The following ZBTB37 variants were observed in gnomAD, a reference collection of about 807,000 sequenced individuals.
ZBTB37 encodes the protein zinc finger and BTB domain containing 37.
A neutral mutation model predicts 37.7 loss-of-function variants in ZBTB37; 15 were observed. The observed-to-expected ratio is 0.40, with a 90% CI of 0.27 to 0.61. The LOEUF is 0.61. Among genes scored for constraint, ZBTB37 ranks in the 20% least tolerant of loss-of-function variants. The pLI, the probability that ZBTB37 is intolerant of heterozygous loss-of-function variation, is 0.44. For synonymous variants in ZBTB37, 231 were observed against 220.6 expected, an observed-to-expected ratio of 1.05 and a Z score of -0.42; for missense variants, 514 against 641.9, an observed-to-expected ratio of 0.80 and a Z score of 2.15.
At chr1:173,886,287 A>G in exon 5 of ZBTB37, 1 of 1,123,594 alleles carries the variant, frequency 8.9e-7, no homozygotes, top group Non-Finnish European at 1.2e-6. Context: ...ACACAAAAGC[A>G]CTAAAGGCTC....
exon 3 of ZBTB37, chr1:173,871,080 A>C: frequency 6.2e-7 from 1 of 1,614,110 alleles, no homozygotes; most frequent in South Asian, 1.1e-5. Context: ...GTTCTGTAGG[A>C]CAGGAAAATT....
chr1:173,874,889 A>G (rs1655840456), intron 4 of ZBTB37, among the ~76,000 whole-genome samples: 5 of 152,132 alleles, frequency 3.3e-5, no homozygotes, highest in Admixed American at 3.3e-4. Context: ...AAAGTTAAAT[A>G]CTGTATTTGA....
intron 3 of ZBTB37, among the ~76,000 whole-genome samples, chr1:173,871,799 C>A (rs900569740): frequency 2.0e-5 from 3 of 152,112 alleles, no homozygotes; most frequent in Non-Finnish European, 4.4e-5. Context: ...CCATGCCTCA[C>A]TTTTCTCTTT....
intron 4 of ZBTB37, among the ~76,000 whole-genome samples, chr1:173,880,051 A>G (rs1440464547): frequency 6.6e-6 from 1 of 152,166 alleles, no homozygotes; most frequent in Non-Finnish European, 1.5e-5. Flanking sequence ...AAATACAATA[A>G]CTAATGGGGT....
At chr1:173,872,490 T>C (rs763371715) in intron 3 of ZBTB37, among the ~76,000 whole-genome samples, 1 of 152,176 alleles carries the variant, frequency 6.6e-6, no homozygotes, top group Non-Finnish European at 1.5e-5. Flanking sequence ...CTCCTGCCAC[T>C]GTGCCTGGCT....
exon 5 of ZBTB37, chr1:173,886,225 C>G (rs1283053479): frequency 6.9e-7 from 1 of 1,453,018 alleles, no homozygotes; most frequent in East Asian, 2.5e-5. Flanking sequence ...TGCCACATCA[C>G]TAGGCCAGAA....
chr1:173,897,975 C>T (rs1322490906), exon 4 of ZBTB37: 3 of 152,174 alleles, frequency 2.0e-5, no homozygotes, highest in Admixed American at 2.0e-4. Context: ...ACAGACTTCT[C>T]CCGGTTTACT....
At chr1:173,898,100 A>G (rs1468064881) in exon 4 of ZBTB37, 1 of 151,998 alleles carries the variant, frequency 6.6e-6, no homozygotes, top group Non-Finnish European at 1.5e-5. Context: ...TTGAATCCCC[A>G]ACTTCTTTTT....
downstream of ZBTB37, chr1:173,887,564 T>G (rs1656677934): frequency 1.3e-5 from 2 of 152,194 alleles, no homozygotes; most frequent in Admixed American, 1.3e-4. Flanking sequence ...GAGAAAGAAC[T>G]TAGCAAACAT....
chr1:173,893,601 A>G (rs1656935209), exon 4 of ZBTB37: 1 of 152,256 alleles, frequency 6.6e-6, no homozygotes, highest in Non-Finnish European at 1.5e-5. Context: ...AGCTTTATTA[A>G]GTGCTTTATC....
At chr1:173,898,853 A>G (rs1447990625) in exon 4 of ZBTB37, 2 of 152,226 alleles carry the variant, frequency 1.3e-5, no homozygotes, top group East Asian at 3.9e-4. Context: ...ATATCCTAGA[A>G]TGCTTTCTAC....
downstream of ZBTB37, chr1:173,891,329 A>C (rs1036794302): frequency 6.6e-6 from 1 of 152,182 alleles, no homozygotes; most frequent in Non-Finnish European, 1.5e-5. Context: ...TAGAACCCCT[A>C]CCTTTTCCCT....
Position 173,881,708 on chromosome 1 carries a change from A to G in ZBTB37, c.1024-3928A>G, listed in dbSNP as rs562364865. On this transcript the variant is annotated intron_variant, in intron 4 of 4. Transcript: ENST00000427304. ...ATTTGCATTTCTCTGATGGCCAGTGATGGTGAGCATTTTTTCATGTGTCTG... is the reference window on the plus strand; with the variant it reads ...ATTTGCATTTCTCTGATGGCCAGTGGTGGTGAGCATTTTTTCATGTGTCTG... Among the ~76,000 whole-genome samples the G allele has an allele frequency of 1.7e-3, 254 of 152,236 alleles. 1 individual carries two copies. Among genetic ancestry groups the G allele is most frequent in the African/African-American group, 5.8e-3 (241 of 41,538 alleles).
At chr1:173,900,619 A>G (rs1043492088) in exon 4 of ZBTB37, 2 of 152,218 alleles carry the variant, frequency 1.3e-5, no homozygotes, top group African/African-American at 4.8e-5. Flanking sequence ...GTACGTGGTA[A>G]TTTGAACTTC....
At chr1:173,881,891 A>G (rs1240874539) in intron 4 of ZBTB37, among the ~76,000 whole-genome samples, 1 of 152,008 alleles carries the variant, frequency 6.6e-6, no homozygotes, top group Non-Finnish European at 1.5e-5. Flanking sequence ...TGTCTCTACT[A>G]AAAACACAAA....
intron 4 of ZBTB37, 195 bp downstream of exon 4, chr1:173,873,761 T>A (rs1418263417): frequency 1.2e-6 from 1 of 851,300 alleles, no homozygotes; most frequent in Admixed American, 3.8e-5. Context: ...AAAGGAAAAT[T>A]GCAGACTGGT....
At chr1:173,895,841 T>G (rs1481383412) in exon 4 of ZBTB37, 2 of 152,206 alleles carry the variant, frequency 1.3e-5, no homozygotes, top group African/African-American at 2.4e-5. Context: ...ACTAGACTGT[T>G]CCTGCTCTGA....
At chr1:173,903,429 CTAT>C (rs935675481) in exon 4 of ZBTB37, 26 of 177,228 alleles carry the variant, frequency 1.5e-4, no homozygotes, top group Non-Finnish European at 3.1e-4. Flanking sequence ...TCTGAAAAGT[CTAT>C]TAATGTATAC....
chr1:173,879,930 G>A (rs1197625812), intron 4 of ZBTB37, among the ~76,000 whole-genome samples: 5 of 152,160 alleles, frequency 3.3e-5, no homozygotes, highest in Admixed American at 2.0e-4. Context: ...CAGCCTGGGC[G>A]ACAAAGCGAG....
Sources: gnomAD v4.1 joint callset for allele counts (sites outside exome capture counted in the v4.1 genomes callset) on GRCh38, gnomAD v4.1.1 for gene constraint, MANE v1.5 for transcripts, NCBI Gene and HGNC (gene_info 2026-07-23, HGNC 2026-07-21) for gene names.